Variants in KCTD16 observed in about 807,000 individuals in gnomAD.
The protein encoded by KCTD16 is BTB/POZ domain-containing protein KCTD16.
A neutral mutation model predicts 33.2 loss-of-function variants in KCTD16; 13 were observed. The ratio of observed to expected loss-of-function variants is 0.39; its 90% CI spans 0.25 to 0.62. The LOEUF is 0.62. Among genes scored for constraint, KCTD16 ranks in the 20% least tolerant of loss-of-function variants. The pLI, the probability that KCTD16 is intolerant of heterozygous loss-of-function variation, is 0.50. For synonymous variants in KCTD16, 197 were observed against 195.3 expected, an observed-to-expected ratio of 1.01 and a Z score of -0.07; for missense variants, 441 against 525.1, an observed-to-expected ratio of 0.84 and a Z score of 1.57.
At chr5:144,309,289 C>T (rs143812992) in intron 3 of KCTD16, among the ~76,000 whole-genome samples, 20 of 152,070 alleles carry the variant, frequency 1.3e-4, no homozygotes, top group East Asian at 5.8e-4. Context: ...ATATGTCCTA[C>T]GACTCCAGGA....
chr5:144,304,671 C>T (rs1751545371), intron 3 of KCTD16, among the ~76,000 whole-genome samples: 1 of 152,100 alleles, frequency 6.6e-6, no homozygotes, highest in Non-Finnish European at 1.5e-5. Flanking sequence ...TAATGACTTG[C>T]ACCGTCCAGT....
intron 2 of KCTD16, among the ~76,000 whole-genome samples, chr5:144,179,225 C>T (rs1276345558): frequency 6.6e-6 from 1 of 152,126 alleles, no homozygotes; most frequent in Admixed American, 6.5e-5. Flanking sequence ...CAGATATGTC[C>T]CCTACCCAGC....
At chr5:144,187,973 T>C (rs1752762875) in intron 2 of KCTD16, among the ~76,000 whole-genome samples, 1 of 152,234 alleles carries the variant, frequency 6.6e-6, no homozygotes, top group Non-Finnish European at 1.5e-5. Context: ...GTGGTTAATC[T>C]AGTAGACAGC....
rs140296315 is a variant in KCTD16, at chr5:144,300,497, G to T, written c.832+92951G>T. Among the ~76,000 whole-genome samples, 28 of 152,246 alleles carry T rather than the reference G, an allele frequency of 1.8e-4. No individual in the cohort carries two copies. The East Asian group carries it at 4.4e-3, about 24-fold the overall frequency. Reference sequence around the variant, plus strand: ...ACAGTGTAGTAGAAAGTATCTTGTAGCTCACAGGGTATTTTGCAATAGAAT... The same window carrying T: ...ACAGTGTAGTAGAAAGTATCTTGTATCTCACAGGGTATTTTGCAATAGAAT... On this transcript the variant is annotated intron_variant, in intron 3 of 3. Coordinates refer to ENST00000512467, the MANE Select transcript of KCTD16 (RefSeq NM_020768.4).
At position 144,197,577 on chromosome 5, in the gene KCTD16, T is replaced by C. The variant is rs566574107; in HGVS notation, c.-326-8812T>C. ...CTCTGAGCCTGGCACTGAACTGCGA[T>C]TGGGGATATAGTGGTGATCTATGCT... is the stretch of plus-strand genomic sequence containing the variant. On this transcript the variant is annotated intron_variant, in intron 2 of 3. Coordinates refer to ENST00000512467, the MANE Select transcript of KCTD16 (RefSeq NM_020768.4). 1.4e-4 allele frequency among the ~76,000 whole-genome samples: 21 copies of C among 152,326 alleles called. No individual in the cohort carries two copies. In the South Asian group the frequency reaches 3.1e-3, roughly 23 times the overall value.
intron 3 of KCTD16, among the ~76,000 whole-genome samples, chr5:144,359,133 A>T (rs760103684): frequency 3.9e-5 from 6 of 152,138 alleles, no homozygotes; most frequent in Admixed American, 1.3e-4. Context: ...CCCAATACAT[A>T]CTTACTGCAT....
intron 3 of KCTD16, among the ~76,000 whole-genome samples, chr5:144,210,569 G>A (rs1191989197): frequency 6.6e-6 from 1 of 152,080 alleles, no homozygotes; most frequent in Non-Finnish European, 1.5e-5. Context: ...TTATGTGGAA[G>A]GTGAGGTCAT....
intron 3 of KCTD16, among the ~76,000 whole-genome samples, chr5:144,456,626 T>G (rs1754069029): frequency 6.6e-6 from 1 of 152,258 alleles, no homozygotes; most frequent in South Asian, 2.1e-4. Flanking sequence ...ATTATTCATT[T>G]TGTTAATGCA....
chr5:144,423,242 C>A (rs1753250159), intron 3 of KCTD16, among the ~76,000 whole-genome samples: 1 of 152,122 alleles, frequency 6.6e-6, no homozygotes, highest in Non-Finnish European at 1.5e-5. Flanking sequence ...CATAAGATTA[C>A]ATGGGCTCCA....
At chr5:144,397,898 G>A (rs1752610769) in intron 3 of KCTD16, among the ~76,000 whole-genome samples, 1 of 152,174 alleles carries the variant, frequency 6.6e-6, no homozygotes, top group Non-Finnish European at 1.5e-5. Flanking sequence ...ATGTTAGTGA[G>A]AAGAACATGT....
At chr5:144,371,767 C>G (rs549380603) in intron 3 of KCTD16, among the ~76,000 whole-genome samples, 2 of 151,824 alleles carry the variant, frequency 1.3e-5, no homozygotes, top group African/African-American at 2.4e-5. Flanking sequence ...CTAAGAAATA[C>G]TTGATCAAAA....
chr5:144,413,649 C>T (rs547224898), intron 3 of KCTD16, among the ~76,000 whole-genome samples: 20 of 152,222 alleles, frequency 1.3e-4, no homozygotes, highest in Admixed American at 7.2e-4. Flanking sequence ...AAAACAAAAA[C>T]GATTCGTTAG....
intron 3 of KCTD16, among the ~76,000 whole-genome samples, chr5:144,210,523 T>A (rs1024873297): frequency 6.6e-6 from 1 of 152,158 alleles, no homozygotes; most frequent in African/African-American, 2.4e-5. Context: ...TTTACTACTT[T>A]CCCAACCAAC....
At chr5:144,265,007 G>C (rs1330269052) in intron 3 of KCTD16, among the ~76,000 whole-genome samples, 2 of 152,150 alleles carry the variant, frequency 1.3e-5, no homozygotes, top group East Asian at 1.9e-4. Context: ...TTAAACTCTT[G>C]CCAGAGACAT....
At chr5:144,365,888 T>A in intron 3 of KCTD16, among the ~76,000 whole-genome samples, 1 of 152,200 alleles carries the variant, frequency 6.6e-6, no homozygotes, top group East Asian at 1.9e-4. Flanking sequence ...TGAAGAAATG[T>A]GTGACTATTA....
intron 3 of KCTD16, among the ~76,000 whole-genome samples, chr5:144,351,105 A>G (rs1751416933): frequency 6.6e-6 from 1 of 152,206 alleles, no homozygotes; most frequent in South Asian, 2.1e-4. Flanking sequence ...AATGCTTATA[A>G]TCAGAAATAC....
At chr5:144,446,603 A>G (rs1340882096) in intron 3 of KCTD16, among the ~76,000 whole-genome samples, 1 of 152,190 alleles carries the variant, frequency 6.6e-6, no homozygotes, top group Non-Finnish European at 1.5e-5. Flanking sequence ...AGAAACTATC[A>G]TAAGAGTGAA....
At chr5:144,241,274 A>G (rs1443606781) in intron 3 of KCTD16, among the ~76,000 whole-genome samples, 1 of 152,136 alleles carries the variant, frequency 6.6e-6, no homozygotes, top group Non-Finnish European at 1.5e-5. Context: ...TGTTCTCAAA[A>G]CATTTTTCAG....
At chr5:144,404,001 G>A (rs533764615) in intron 3 of KCTD16, among the ~76,000 whole-genome samples, 13 of 152,152 alleles carry the variant, frequency 8.5e-5, no homozygotes, top group African/African-American at 2.7e-4. Flanking sequence ...CAGGCCGTGC[G>A]CATCCCCCCA....
Sources: allele counts gnomAD v4.1 joint callset (sites outside exome capture counted in the v4.1 genomes callset), GRCh38; gene constraint gnomAD v4.1.1; transcripts MANE v1.5; gene names NCBI Gene and HGNC (gene_info 2026-07-23, HGNC 2026-07-21).